VPS54: variants seen among roughly 807,000 people sequenced by gnomAD.
The protein encoded by VPS54 is VPS54 subunit of GARP complex.
VPS54 carries 45 observed loss-of-function variants against 121.5 expected under a neutral mutation model. The observed-to-expected ratio is 0.37, with a 90% CI of 0.29 to 0.47. The LOEUF (loss-of-function observed/expected upper bound fraction) is 0.47, where lower values mean the gene tolerates loss of function less well. Ranked by LOEUF, VPS54 falls within the 20% of genes least tolerant of loss-of-function variation. VPS54 has a pLI of 0.99. For missense variants in VPS54, 1,090 were observed against 1,131.4 expected (o/e 0.96, Z 0.52); for synonymous variants, 371 against 385.8 (o/e 0.96, Z 0.45).
chr2:63,907,244 C>T (rs911845643), intron 20 of VPS54, among the ~76,000 whole-genome samples: 10 of 152,094 alleles, frequency 6.6e-5, no homozygotes, highest in South Asian at 6.2e-4. Flanking sequence ...CTTGGCCGGA[C>T]GCAGTGGCTC....
intron 1 of VPS54, among the ~76,000 whole-genome samples, chr2:63,998,906 T>G (rs1318410687): frequency 6.6e-6 from 1 of 152,130 alleles, no homozygotes; most frequent in Admixed American, 6.5e-5. Flanking sequence ...TCAGATGGTA[T>G]CTTTTTGCTT....
chr2:63,981,943 G>T (rs1676819792), intron 2 of VPS54, 56 bp from the exon 3 acceptor site: 15 of 1,542,386 alleles, frequency 9.7e-6, no homozygotes, highest in Middle Eastern at 3.7e-4. Flanking sequence ...TTCTATGTTT[G>T]AAAGTACACA....
At chr2:63,921,173 A>G (rs757960196) in intron 13 of VPS54, 33 bp downstream of exon 13, 1 of 1,578,162 alleles carries the variant, frequency 6.3e-7, no homozygotes, top group East Asian at 2.3e-5. Flanking sequence ...ATTATTACGT[A>G]TAAAATATAT....
At chr2:63,949,975 A>C (rs1232818161) in intron 7 of VPS54, among the ~76,000 whole-genome samples, 1 of 152,122 alleles carries the variant, frequency 6.6e-6, no homozygotes, top group Non-Finnish European at 1.5e-5. Context: ...TGCTGCTTCT[A>C]TCTCTTTTTC....
chr2:63,933,236 T>C (rs951905302), intron 12 of VPS54, among the ~76,000 whole-genome samples: 1 of 152,180 alleles, frequency 6.6e-6, no homozygotes, highest in Non-Finnish European at 1.5e-5. Flanking sequence ...TGGAAATTCA[T>C]GTCTTTGAAA....
intron 17 of VPS54, chr2:63,913,795 TGAAA>T: frequency 1.0e-6 from 1 of 992,242 alleles, no homozygotes; most frequent in Non-Finnish European, 1.2e-6. Flanking sequence ...TCAATGGTTC[TGAAA>T]GAATGATGCA....
At chr2:63,898,246 G>A (rs1222988583) in intron 21 of VPS54, among the ~76,000 whole-genome samples, 1 of 152,110 alleles carries the variant, frequency 6.6e-6, no homozygotes, top group Non-Finnish European at 1.5e-5. Context: ...CCTGACCTGG[G>A]TAAGTCCTGC....
intron 12 of VPS54, among the ~76,000 whole-genome samples, chr2:63,933,398 G>A (rs910178957): frequency 6.6e-6 from 1 of 152,060 alleles, no homozygotes; most frequent in African/African-American, 2.4e-5. Flanking sequence ...AGCTCTCTGG[G>A]CATCAATTAC....
intron 3 of VPS54, among the ~76,000 whole-genome samples, chr2:63,980,610 T>C (rs908360124): frequency 3.9e-5 from 6 of 152,116 alleles, no homozygotes; most frequent in African/African-American, 1.4e-4. Context: ...TGCTTTAGGG[T>C]TTATTGTTAA....
At chr2:63,963,625 A>C (rs1222684951) in intron 6 of VPS54, among the ~76,000 whole-genome samples, 1 of 152,112 alleles carries the variant, frequency 6.6e-6, no homozygotes, top group Non-Finnish European at 1.5e-5. Context: ...ATGCTCCTTC[A>C]ATAATCTTAC....
At chr2:63,929,173 C>T (rs974953113) in intron 12 of VPS54, among the ~76,000 whole-genome samples, 1 of 152,196 alleles carries the variant, frequency 6.6e-6, no homozygotes, top group Non-Finnish European at 1.5e-5. Flanking sequence ...ACCTAATAGA[C>T]ATCTGCAGAA....
intron 3 of VPS54, among the ~76,000 whole-genome samples, chr2:63,973,431 T>C (rs1407540251): frequency 6.6e-6 from 1 of 152,256 alleles, no homozygotes; most frequent in Non-Finnish European, 1.5e-5. Context: ...TCTTTCCATG[T>C]GCTAATTGCA....
At position 63,942,456 on chromosome 2, in the gene VPS54, T is replaced by C. The variant is rs1674787338; in HGVS notation, c.1398+9A>G. 3 of 1,559,592 alleles carry C rather than the reference T, an allele frequency of 1.9e-6. No homozygotes were observed. The highest frequency in any genetic ancestry group is 4.7e-5 in the East Asian group (2 of 42,912). ...GGGATATTCTAGACAAACTAATTTA[T>C]AAGCTTACCTTCACTCTCTGTAGGA... On this transcript the variant is annotated intron_variant, in intron 11 of 22. Transcript: ENST00000272322.
Position 63,964,266 on chromosome 2 carries a change from AT to A in VPS54, c.624+1568del, listed in dbSNP as rs750132113. Reference sequence around the variant, plus strand: ...CAATTTACAAATAAAAAAAATTTCCATTATTTTAGTCACTTTAAACATTCAG... The same window carrying A: ...CAATTTACAAATAAAAAAAATTTCCATATTTTAGTCACTTTAAACATTCAG... On this transcript the variant is annotated intron_variant, in intron 6 of 22. Coordinates refer to ENST00000272322, the MANE Select transcript of VPS54 (RefSeq NM_016516.3). 1.8e-4 allele frequency among the ~76,000 whole-genome samples: 27 copies of A among 152,188 alleles called. 1 individual carries two copies. The highest frequency in any genetic ancestry group is 2.8e-4 in the Non-Finnish European group (19 of 68,020).
Position 63,893,491 on chromosome 2 carries a change from G to T in VPS54, c.2873C>A (p.Ala958Asp), listed in dbSNP as rs765953102. The change falls in exon 23 of 23, where the codon GCC becomes GAC. Residue 958 changes from alanine (A) to aspartate (D), a missense_variant. Physicochemically the swap from Ala to Asp is moderately radical, Grantham distance 126. Transcript: ENST00000272322. ...GTCCAAATCTTTAAGGCCTTTTAAGGCTTGAAGATTTCCAGTGTAAAAAGC... is the reference window on the plus strand; with the variant it reads ...GTCCAAATCTTTAAGGCCTTTTAAGTCTTGAAGATTTCCAGTGTAAAAAGC... ...DVAFYTGNLQ[A>D]LKGLKDLDLN... 5.0e-6 allele frequency: 8 copies of T among 1,613,858 alleles called. No homozygotes were observed. The East Asian group carries it at 1.6e-4, about 31-fold the overall frequency.
At chr2:63,998,643 A>G (rs1255287130) in intron 1 of VPS54, among the ~76,000 whole-genome samples, 1 of 152,192 alleles carries the variant, frequency 6.6e-6, no homozygotes, top group Non-Finnish European at 1.5e-5. Flanking sequence ...GCAGATAACA[A>G]TTAACACTGC....
At chr2:63,948,414 G>GTTT (rs560700373) in intron 8 of VPS54, among the ~76,000 whole-genome samples, 101 of 106,064 alleles carry the variant, frequency 9.5e-4, no homozygotes, top group Non-Finnish European at 1.4e-3. Flanking sequence ...CACTTTTTCG[G>GTTT]TTTTTTTTTT....
chr2:63,906,052 TA>T (rs901536165), intron 20 of VPS54, among the ~76,000 whole-genome samples: 5 of 152,048 alleles, frequency 3.3e-5, no homozygotes, highest in Non-Finnish European at 7.4e-5. Flanking sequence ...AAAGGCCTCT[TA>T]AAAAAAACCT....
chr2:63,995,600 C>T (rs1677544045), intron 1 of VPS54, among the ~76,000 whole-genome samples: 1 of 152,240 alleles, frequency 6.6e-6, no homozygotes, highest in Non-Finnish European at 1.5e-5. Flanking sequence ...ACTGGCAAGC[C>T]AATTCCACCA....
Sources: allele counts gnomAD v4.1 joint callset (sites outside exome capture counted in the v4.1 genomes callset), GRCh38; gene constraint gnomAD v4.1.1; transcripts MANE v1.5; gene names NCBI Gene and HGNC (gene_info 2026-07-23, HGNC 2026-07-21).